The following ITGB3BP variants were observed in gnomAD, a reference collection of about 807,000 sequenced individuals.
The protein encoded by ITGB3BP is integrin subunit beta 3 binding protein.
Under a neutral mutation model 29.1 loss-of-function variants are expected in ITGB3BP, and 27 were observed. The ratio of observed to expected loss-of-function variants is 0.93; its 90% CI spans 0.68 to 1.28. The LOEUF is 1.28. Ranked by LOEUF, ITGB3BP falls within the 50% of genes most tolerant of loss-of-function variation. ITGB3BP has a pLI of 0.00. For synonymous variants in ITGB3BP, 61 were observed against 61.4 expected (o/e 0.99, Z 0.03); for missense variants, 192 against 200.2 (o/e 0.96, Z 0.25).
intron 7 of ITGB3BP, among the ~76,000 whole-genome samples, chr1:63,448,236 G>A (rs1449942446): frequency 1.4e-5 from 2 of 147,328 alleles, no homozygotes; most frequent in East Asian, 2.1e-4. Context: ...GCTAAATGAC[G>A]AGTTAATGGG....
intron 1 of ITGB3BP, among the ~76,000 whole-genome samples, chr1:63,521,314 T>C (rs1401628335): frequency 6.6e-6 from 1 of 151,964 alleles, no homozygotes; most frequent in East Asian, 1.9e-4. Flanking sequence ...TCTACTAACA[T>C]GCCATTACGT....
At chr1:63,475,225 C>T (rs1320996280) in intron 4 of ITGB3BP, among the ~76,000 whole-genome samples, 2 of 152,128 alleles carry the variant, frequency 1.3e-5, no homozygotes, top group Non-Finnish European at 2.9e-5. Flanking sequence ...AAATTGCTTG[C>T]CTCAGCTTCC....
intron 2 of ITGB3BP, among the ~76,000 whole-genome samples, chr1:63,503,134 C>G (rs373886457): frequency 2.9e-4 from 44 of 151,968 alleles, no homozygotes; most frequent in Middle Eastern, 3.4e-3. Context: ...CCCACCAACA[C>G]TGTAAAAGTG....
At chr1:63,486,384 CTT>C (rs1253071895) in intron 3 of ITGB3BP, among the ~76,000 whole-genome samples, 2 of 151,962 alleles carry the variant, frequency 1.3e-5, no homozygotes, top group African/African-American at 4.8e-5. Context: ...AAGTATAACT[CTT>C]GACTCCCCAA....
At chr1:63,452,682 C>G (rs1644878903) in intron 7 of ITGB3BP, among the ~76,000 whole-genome samples, 1 of 151,518 alleles carries the variant, frequency 6.6e-6, no homozygotes, top group East Asian at 1.9e-4. Flanking sequence ...AAAAAGCCAC[C>G]TTTCATGTTC....
intron 7 of ITGB3BP, 119 bp downstream of exon 7, chr1:63,453,799 A>G (rs919122070): frequency 4.6e-6 from 3 of 658,170 alleles, no homozygotes; most frequent in Non-Finnish European, 8.2e-6. Flanking sequence ...AACATACTTC[A>G]GAACAGGGAT....
At chr1:63,445,385 A>G (rs548822563) in intron 8 of ITGB3BP, among the ~76,000 whole-genome samples, 365 of 150,784 alleles carry the variant, frequency 2.4e-3, no homozygotes, top group African/African-American at 8.6e-3. Context: ...TTGTTACTAC[A>G]TACAACAGAA....
At chr1:63,482,878 T>G (rs1312961493) in intron 3 of ITGB3BP, among the ~76,000 whole-genome samples, 1 of 152,108 alleles carries the variant, frequency 6.6e-6, no homozygotes, top group African/African-American at 2.4e-5. Flanking sequence ...AATCTCAAAC[T>G]CCTGACCTCA....
chr1:63,496,241 C>A lies in ITGB3BP; in HGVS notation c.49-6023G>T, dbSNP rs539298442. 7.9e-5 allele frequency among the ~76,000 whole-genome samples: 12 copies of A among 152,136 alleles called. 1 individual carries two copies. The highest frequency in any genetic ancestry group is 2.9e-4 in the African/African-American group (12 of 41,508). Reference sequence around the variant, plus strand: ...CTGAGTAATTGGGACGACAGGTGCGCACCACCATGCCTGGCTAATTTTTTG... The same window carrying A: ...CTGAGTAATTGGGACGACAGGTGCGAACCACCATGCCTGGCTAATTTTTTG... On this transcript the variant is annotated intron_variant, in intron 2 of 8. Coordinates refer to ENST00000271002, the MANE Select transcript of ITGB3BP (RefSeq NM_014288.5).
chr1:63,486,092 C>T (rs1255335824), intron 3 of ITGB3BP, among the ~76,000 whole-genome samples: 1 of 152,054 alleles, frequency 6.6e-6, no homozygotes, highest in African/African-American at 2.4e-5. Context: ...CCTATCATTT[C>T]ACTTTATTGT....
At chr1:63,519,731 C>T (rs529301892) in intron 1 of ITGB3BP, among the ~76,000 whole-genome samples, 49 of 152,052 alleles carry the variant, frequency 3.2e-4, no homozygotes, top group African/African-American at 1.0e-3. Flanking sequence ...ATAATCAACC[C>T]ACAAAATAAA....
At chr1:63,500,150 G>A (rs1334922936) in intron 2 of ITGB3BP, among the ~76,000 whole-genome samples, 1 of 152,230 alleles carries the variant, frequency 6.6e-6, no homozygotes, top group Non-Finnish European at 1.5e-5. Flanking sequence ...GGCCCAGACG[G>A]GCGGATCACC....
chr1:63,518,886 G>C lies in ITGB3BP; in HGVS notation c.5+4243C>G, dbSNP rs967965216. Among the ~76,000 whole-genome samples, 10 of 151,930 alleles carry C rather than the reference G, an allele frequency of 6.6e-5. No individual in the cohort carries two copies. In the East Asian group the frequency reaches 1.9e-3, roughly 29 times the overall value. On this transcript the variant is annotated intron_variant, in intron 1 of 8. Coordinates refer to ENST00000271002, the MANE Select transcript of ITGB3BP (RefSeq NM_014288.5). ...AGGTATGCCTCTCTGCATTTTCAGA[G>C]GTTACTCTGGGGATTACAGTATGCC...
chr1:63,505,376 A>G, intron 2 of ITGB3BP, among the ~76,000 whole-genome samples: 1 of 151,390 alleles, frequency 6.6e-6, no homozygotes, highest in African/African-American at 2.4e-5. Flanking sequence ...ATCATTTTTT[A>G]TTGCATCTAT....
chr1:63,493,633 G>GA (rs972257551), intron 2 of ITGB3BP, among the ~76,000 whole-genome samples: 14 of 150,604 alleles, frequency 9.3e-5, no homozygotes, highest in African/African-American at 1.7e-4. Context: ...TTTTCTGCCT[G>GA]AAAAAAAAAT....
chr1:63,493,086 A>ACGCGCGCG (rs772254640), intron 2 of ITGB3BP, among the ~76,000 whole-genome samples: 1,866 of 134,434 alleles, frequency 0.014, 21 homozygotes, highest in Middle Eastern at 0.065. Context: ...ACACACACAC[A>ACGCGCGCG]CACGCGCGCG....
chr1:63,478,267 T>C (rs1368737248), intron 4 of ITGB3BP, among the ~76,000 whole-genome samples: 1 of 152,226 alleles, frequency 6.6e-6, no homozygotes, highest in Admixed American at 6.5e-5. Context: ...TTCCCAGATT[T>C]TTCCTACGTA....
intron 4 of ITGB3BP, among the ~76,000 whole-genome samples, chr1:63,476,619 T>C (rs61766983): frequency 5.3e-5 from 8 of 152,176 alleles, no homozygotes; most frequent in Non-Finnish European, 1.2e-4. Context: ...AATAAATTGA[T>C]GGGTTTACAA....
At chr1:63,472,436 C>G (rs989222761) in intron 4 of ITGB3BP, among the ~76,000 whole-genome samples, 2 of 117,324 alleles carry the variant, frequency 1.7e-5, no homozygotes, top group Non-Finnish European at 3.5e-5. Flanking sequence ...GATCCACCCT[C>G]TCCCTCTCCC....
Sources: allele counts gnomAD v4.1 joint callset (sites outside exome capture counted in the v4.1 genomes callset), GRCh38; gene constraint gnomAD v4.1.1; transcripts MANE v1.5; gene names NCBI Gene and HGNC (gene_info 2026-07-23, HGNC 2026-07-21).